Variants in TIAM1 observed in about 807,000 individuals in gnomAD.
TIAM1 encodes TIAM Rac1 associated GEF 1.
A neutral mutation model predicts 163.5 loss-of-function variants in TIAM1; 65 were observed. The ratio of observed to expected loss-of-function variants is 0.40; its 90% CI spans 0.33 to 0.49. The LOEUF (loss-of-function observed/expected upper bound fraction) is 0.49. Among genes scored for constraint, TIAM1 ranks in the 20% least tolerant of loss-of-function variants. The probability of loss-of-function intolerance (pLI) is 0.77; values close to 1 mark genes in which losing one functional copy is unlikely to be tolerated. For missense variants in TIAM1, 1,789 were observed against 2,044.7 expected (o/e 0.87, Z 2.41); for synonymous variants, 833 against 810.1 (o/e 1.03, Z -0.48).
At chr21:31,175,239 G>A (rs938304056) in intron 15 of TIAM1, among the ~76,000 whole-genome samples, 1 of 152,168 alleles carries the variant, frequency 6.6e-6, no homozygotes, top group Admixed American at 6.5e-5. Flanking sequence ...CACAACGAAC[G>A]CTTGGCCTCT....
intron 1 of TIAM1, among the ~76,000 whole-genome samples, chr21:31,470,318 G>GTTAT (rs1437158475): frequency 6.8e-6 from 1 of 146,074 alleles, no homozygotes; most frequent in African/African-American, 2.5e-5. Flanking sequence ...AACTTCAAAT[G>GTTAT]TTATTTATTT....
At chr21:31,358,260 AG>A (rs897274772) in intron 2 of TIAM1, among the ~76,000 whole-genome samples, 4 of 152,202 alleles carry the variant, frequency 2.6e-5, no homozygotes, top group Non-Finnish European at 5.9e-5. Context: ...GCTTCCAGCC[AG>A]GTTGTTCTAC....
Position 31,141,489 on chromosome 21 carries a change from G to C in TIAM1, c.3491C>G (p.Ala1164Gly), listed in dbSNP as rs573213076. The C allele has an allele frequency of 7.4e-6, 12 of 1,613,996 alleles. No homozygotes were observed. Among genetic ancestry groups the C allele is most frequent in the Non-Finnish European group, 9.3e-6 (11 of 1,180,012 alleles). Residue 1164 changes from alanine to glycine, a missense_variant, in exon 21 of 28, where the codon GCT (alanine) becomes GGT (glycine). Transcript: ENST00000541036. This position sits in a 1 kb window ranked among gnomAD's most constrained non-coding sequence, Gnocchi z 4.7. ...CTGGGCATCCAAGAATGCCTTGAAA[G>C]CCGTGTCTGTCTTGGCTGGCAGGGT... is the stretch of plus-strand genomic sequence containing the variant. Reference protein sequence around the residue: ...KVLVKAKTDTAFKAFLDAQNP... With the variant: ...KVLVKAKTDTGFKAFLDAQNP...
chr21:31,349,995 C>A (rs768961646), intron 2 of TIAM1, among the ~76,000 whole-genome samples: 3 of 152,220 alleles, frequency 2.0e-5, no homozygotes, highest in Non-Finnish European at 4.4e-5. Flanking sequence ...AGGAAATAAG[C>A]CAACCCTGTT....
rs781153297 is a variant in TIAM1, at chr21:31,181,756, C to CTTTTT, written c.2887+660_2887+664dup. 3.1e-4 allele frequency among the ~76,000 whole-genome samples: 13 copies of CTTTTT among 41,344 alleles called. 3 individuals carry two copies. The highest frequency in any genetic ancestry group is 6.4e-4 in the Non-Finnish European group (12 of 18,804). 27.1% of individuals were successfully genotyped at this position (41,344 alleles called of 152,430 possible). A position where few individuals can be genotyped will look rare whatever the true frequency, so the allele number is the denominator to read the frequency against. ...CCCAGCACTTCTTCTTCTTCTTCTT[C>CTTTTT]TTTTTTTTTTTTTTTTTTTTTTTTT... On this transcript the variant is annotated intron_variant, in intron 15 of 27. Coordinates refer to ENST00000541036, the MANE Select transcript of TIAM1 (RefSeq NM_001353694.2).
intron 1 of TIAM1, among the ~76,000 whole-genome samples, chr21:31,531,680 CT>C (rs1285504956): frequency 2.6e-5 from 4 of 151,012 alleles, no homozygotes; most frequent in Admixed American, 2.6e-4. Context: ...GAATAATCTG[CT>C]TTTTTTTACT....
intron 2 of TIAM1, among the ~76,000 whole-genome samples, chr21:31,292,371 C>CTT (rs763364996): frequency 1.2e-4 from 16 of 138,820 alleles, no homozygotes; most frequent in African/African-American, 2.6e-4. Context: ...TTTCAATTTC[C>CTT]TTTTTTTTTT....
At chr21:31,349,506 G>A (rs546827045) in intron 2 of TIAM1, among the ~76,000 whole-genome samples, 9 of 152,148 alleles carry the variant, frequency 5.9e-5, no homozygotes, top group African/African-American at 1.7e-4. Context: ...TAAAAGCATC[G>A]AAGTTTTTCC....
intron 20 of TIAM1, among the ~76,000 whole-genome samples, chr21:31,145,591 G>A (rs1002695699): frequency 3.3e-5 from 5 of 152,154 alleles, no homozygotes; most frequent in Admixed American, 6.5e-5. Flanking sequence ...ATGTTCCACC[G>A]TCTTCTCAGA....
intron 5 of TIAM1, among the ~76,000 whole-genome samples, chr21:31,250,461 T>G (rs1190450004): frequency 6.6e-6 from 1 of 152,224 alleles, no homozygotes; most frequent in Non-Finnish European, 1.5e-5. Context: ...GTCCTACTTG[T>G]GCAAGGGTTG....
chr21:31,157,108 G>A (rs1486012411), intron 16 of TIAM1, among the ~76,000 whole-genome samples: 1 of 152,160 alleles, frequency 6.6e-6, no homozygotes, highest in Non-Finnish European at 1.5e-5. Context: ...AACAAGTTAA[G>A]TTCCTACAGC....
chr21:31,290,714 A>G (rs1304582748), intron 2 of TIAM1, among the ~76,000 whole-genome samples: 1 of 150,824 alleles, frequency 6.6e-6, no homozygotes, highest in Non-Finnish European at 1.5e-5. Context: ...TTTACCAAAG[A>G]GGATCTGTTT....
chr21:31,460,733 A>C (rs2045293882), intron 2 of TIAM1, among the ~76,000 whole-genome samples: 1 of 152,226 alleles, frequency 6.6e-6, no homozygotes, highest in African/African-American at 2.4e-5. Flanking sequence ...CACTTCAAAG[A>C]CTGTTAATTA....
chr21:31,423,700 TAAAAA>T (rs200137644), intron 2 of TIAM1, among the ~76,000 whole-genome samples: 17 of 48,224 alleles, frequency 3.5e-4, no homozygotes, highest in South Asian at 1.3e-3. Flanking sequence ...TAGAAAGTTG[TAAAAA>T]AAAAAAAAAA....
intron 7 of TIAM1, among the ~76,000 whole-genome samples, chr21:31,225,382 A>G (rs1250069448): frequency 6.6e-6 from 1 of 152,184 alleles, no homozygotes; most frequent in African/African-American, 2.4e-5. Flanking sequence ...AGTCCCCACC[A>G]TAAGAGAACT....
intron 1 of TIAM1, among the ~76,000 whole-genome samples, chr21:31,503,521 GAGAA>G (rs1039872654): frequency 8.3e-6 from 1 of 119,838 alleles, no homozygotes; most frequent in African/African-American, 3.2e-5. Context: ...AAAAGAGAAA[GAGAA>G]AGGAAGGAAA....
intron 2 of TIAM1, among the ~76,000 whole-genome samples, chr21:31,410,098 T>TGTGTGTGA (rs1569306332): frequency 1.3e-5 from 2 of 151,660 alleles, no homozygotes; most frequent in Non-Finnish European, 2.9e-5. Context: ...TGTGTGTGTG[T>TGTGTGTGA]GTGTGAGGTT....
chr21:31,197,369 TTTC>T (rs778081389), intron 12 of TIAM1, among the ~76,000 whole-genome samples: 74 of 151,252 alleles, frequency 4.9e-4, no homozygotes, highest in Non-Finnish European at 8.4e-4. Context: ...AATATTTCAT[TTTC>T]TTTTTTCTTT....
intron 23 of TIAM1, among the ~76,000 whole-genome samples, chr21:31,132,529 G>A (rs2082452355): frequency 6.6e-6 from 1 of 152,118 alleles, no homozygotes; most frequent in Admixed American, 6.5e-5. Flanking sequence ...GGACAGCTAG[G>A]TCCTCTTAGA....
Sources: gnomAD v4.1 joint callset for allele counts (sites outside exome capture counted in the v4.1 genomes callset) on GRCh38, gnomAD v4.1.1 for gene constraint, Gnocchi (gnomAD v3.1) non-coding constraint, MANE v1.5 for transcripts, NCBI Gene and HGNC (gene_info 2026-07-23, HGNC 2026-07-21) for gene names.